ARHGEF28: variants seen among roughly 807,000 people sequenced by gnomAD.
ARHGEF28 encodes the protein 190 kDa guanine nucleotide exchange factor.
A neutral mutation model predicts 206.6 loss-of-function variants in ARHGEF28; 152 were observed. The ratio of observed to expected loss-of-function variants is 0.74; its 90% CI spans 0.64 to 0.84. The LOEUF is 0.84. ARHGEF28 is among the 40% of genes least tolerant of loss of function. The pLI is 0.00. For missense variants in ARHGEF28, 2,028 were observed against 2,073.2 expected (o/e 0.98, Z 0.42); for synonymous variants, 763 against 776.4 (o/e 0.98, Z 0.29).
chr5:73,816,213 T>A (rs765764611), intron 9 of ARHGEF28, among the ~76,000 whole-genome samples: 30 of 152,154 alleles, frequency 2.0e-4, no homozygotes, highest in Non-Finnish European at 4.4e-5. Context: ...GGGACCCATC[T>A]CCCAGGACCC....
At chr5:73,630,613 G>A (rs1158193051) in intron 1 of ARHGEF28, among the ~76,000 whole-genome samples, 4 of 152,190 alleles carry the variant, frequency 2.6e-5, no homozygotes, top group Admixed American at 6.5e-5. Flanking sequence ...TGTGACCCCA[G>A]GAGAAATTGC....
At chr5:73,669,744 G>C (rs1378952589) in intron 1 of ARHGEF28, among the ~76,000 whole-genome samples, 1 of 152,140 alleles carries the variant, frequency 6.6e-6, no homozygotes, top group East Asian at 1.9e-4. Context: ...CCAGGCTGGA[G>C]TGCAGTGGCA....
chr5:73,734,522 G>C (rs1750800940), intron 2 of ARHGEF28, among the ~76,000 whole-genome samples: 2 of 152,290 alleles, frequency 1.3e-5, no homozygotes, highest in South Asian at 4.1e-4. Context: ...CTGTGTCCTT[G>C]GAAGGCCACA....
intron 4 of ARHGEF28, among the ~76,000 whole-genome samples, chr5:73,758,797 C>T (rs1467875063): frequency 6.6e-6 from 1 of 152,160 alleles, no homozygotes; most frequent in East Asian, 1.9e-4. Flanking sequence ...AAGTGATTCA[C>T]CCACCTCGGC....
chr5:73,704,715 A>C (rs2112294472), intron 2 of ARHGEF28, among the ~76,000 whole-genome samples: 1 of 152,252 alleles, frequency 6.6e-6, no homozygotes, highest in African/African-American at 2.4e-5. Flanking sequence ...ATGAGCCACC[A>C]CACCCGCCCA....
At chr5:73,724,616 A>G (rs1750168622) in intron 2 of ARHGEF28, among the ~76,000 whole-genome samples, 1 of 152,216 alleles carries the variant, frequency 6.6e-6, no homozygotes, top group Non-Finnish European at 1.5e-5. Flanking sequence ...ATAGCTGTAA[A>G]AGATAACATT....
intron 1 of ARHGEF28, among the ~76,000 whole-genome samples, chr5:73,643,133 G>A (rs545326682): frequency 1.1e-3 from 166 of 152,280 alleles, no homozygotes; most frequent in Admixed American, 8.3e-3. Context: ...ACATTTAAAT[G>A]GTAGGTTTGA....
chr5:73,692,167 C>G (rs1259513440), intron 2 of ARHGEF28, among the ~76,000 whole-genome samples: 2 of 152,072 alleles, frequency 1.3e-5, no homozygotes, highest in Non-Finnish European at 2.9e-5. Flanking sequence ...TAGAAGTGTC[C>G]TTTATTTCTC....
chr5:73,926,571 A>G (rs767482403), intron 35 of ARHGEF28, among the ~76,000 whole-genome samples: 6 of 151,930 alleles, frequency 3.9e-5, no homozygotes, highest in Admixed American at 1.3e-4. Flanking sequence ...GACATCTTGC[A>G]TTCTCTCCCC....
At chr5:73,698,245 C>G (rs1748341293) in intron 2 of ARHGEF28, among the ~76,000 whole-genome samples, 1 of 152,182 alleles carries the variant, frequency 6.6e-6, no homozygotes, top group South Asian at 2.1e-4. Context: ...AAAGAGAAAG[C>G]CAGCTTAACA....
chr5:73,670,174 C>T (rs1482005874), intron 1 of ARHGEF28, among the ~76,000 whole-genome samples: 2 of 152,156 alleles, frequency 1.3e-5, no homozygotes, highest in Non-Finnish European at 2.9e-5. Context: ...CCTTTGGCAA[C>T]CACTAATCTG....
chr5:73,871,484 T>C (rs2112640474), intron 21 of ARHGEF28, among the ~76,000 whole-genome samples: 1 of 152,350 alleles, frequency 6.6e-6, no homozygotes, highest in South Asian at 2.1e-4. Context: ...ATGGCTGATA[T>C]TTAAGGTTCT....
intron 26 of ARHGEF28, among the ~76,000 whole-genome samples, chr5:73,888,612 G>T (rs1761443743): frequency 6.6e-6 from 1 of 152,170 alleles, no homozygotes; most frequent in African/African-American, 2.4e-5. Context: ...TCTGCTTCTT[G>T]GATGATATTA....
At position 73,840,662 on chromosome 5, in the gene ARHGEF28, G is replaced by A. The variant is rs780548230; in HGVS notation, c.1329G>A (p.Gln443=). Residue 443 remains glutamine, a synonymous_variant, in exon 11 of 36, where the codon CAG becomes CAA. Coordinates refer to ENST00000513042, the MANE Select transcript of ARHGEF28 (RefSeq NM_001177693.2). ...GGACAGCACACACTGAAGCCCAGCAGTCCTTCATGTCACCATCAAGTTCGT... is the reference window on the plus strand; with the variant it reads ...GGACAGCACACACTGAAGCCCAGCAATCCTTCATGTCACCATCAAGTTCGT... ...VEGTAHTEAQ[Q]SFMSPSSSCA... is the part of the protein sequence containing the mutation. The A allele has an allele frequency of 1.2e-6, 2 of 1,613,494 alleles. No homozygotes were observed. The highest frequency in any genetic ancestry group is 2.2e-5 in the East Asian group (1 of 44,872).
intron 1 of ARHGEF28, among the ~76,000 whole-genome samples, chr5:73,674,636 A>G (rs757170797): frequency 6.6e-6 from 1 of 152,214 alleles, no homozygotes; most frequent in Non-Finnish European, 1.5e-5. Context: ...GGCAGCCCCT[A>G]GGTAGTTTCA....
At chr5:73,722,300 A>G (rs924615435) in intron 2 of ARHGEF28, among the ~76,000 whole-genome samples, 3 of 152,236 alleles carry the variant, frequency 2.0e-5, no homozygotes, top group African/African-American at 7.2e-5. Context: ...AATTCCCATT[A>G]CTTACCCAGT....
intron 9 of ARHGEF28, among the ~76,000 whole-genome samples, chr5:73,798,500 G>A (rs1754956627): frequency 6.6e-6 from 1 of 152,192 alleles, no homozygotes; most frequent in Non-Finnish European, 1.5e-5. Flanking sequence ...TCCGCAAGGA[G>A]CTGACATCTA....
chr5:73,753,231 C>A (rs1209158515), intron 4 of ARHGEF28, 29 bp downstream of exon 4: 2 of 1,512,458 alleles, frequency 1.3e-6, no homozygotes, highest in Non-Finnish European at 1.8e-6. Context: ...ATTCAGATAT[C>A]CCCTCTGTGT....
At chr5:73,839,345 G>A (rs998118122) in intron 10 of ARHGEF28, among the ~76,000 whole-genome samples, 4 of 152,062 alleles carry the variant, frequency 2.6e-5, no homozygotes, top group African/African-American at 9.7e-5. Context: ...ATTCATTAAT[G>A]GTTTTTGCTT....
Sources: allele counts gnomAD v4.1 joint callset (sites outside exome capture counted in the v4.1 genomes callset), GRCh38; gene constraint gnomAD v4.1.1; transcripts MANE v1.5; gene names NCBI Gene and HGNC (gene_info 2026-07-23, HGNC 2026-07-21).